RGS9: variants seen among roughly 807,000 people sequenced by gnomAD.
RGS9 encodes the protein regulator of G-protein signalling 9.
A neutral mutation model predicts 102.0 loss-of-function variants in RGS9; 78 were observed. That is an observed-to-expected ratio of 0.76 (90% CI 0.64 to 0.92). The LOEUF is 0.92. Ranked by LOEUF, RGS9 falls within the 40% of genes least tolerant of loss-of-function variation. The pLI, the probability that RGS9 is intolerant of heterozygous loss-of-function variation, is 0.00. For synonymous variants in RGS9, 353 were observed against 318.6 expected, an observed-to-expected ratio of 1.11 and a Z score of -1.15; for missense variants, 833 against 866.1, an observed-to-expected ratio of 0.96 and a Z score of 0.48.
intron 14 of RGS9, 143 bp from the exon 15 acceptor site, chr17:65,204,020 T>C: frequency 1.2e-6 from 1 of 848,930 alleles, no homozygotes; most frequent in Admixed American, 2.2e-5. Flanking sequence ...CAAAAGTTCA[T>C]GCTCTTTAGT....
chr17:65,139,036 T>TCC (rs1910033057), intron 1 of RGS9, among the ~76,000 whole-genome samples: 7 of 5,420 alleles, frequency 1.3e-3, no homozygotes, highest in South Asian at 0.015. Flanking sequence ...TCCTCCACCT[T>TCC]AGTCTCCCTT....
intron 11 of RGS9, among the ~76,000 whole-genome samples, chr17:65,193,124 AGCCTG>A (rs1912441029): frequency 6.8e-6 from 1 of 148,036 alleles, no homozygotes; most frequent in Non-Finnish European, 1.5e-5. Context: ...AAAAAAAATT[AGCCTG>A]GCCTGGTGGT....
At chr17:65,158,426 TG>T in intron 3 of RGS9, 81 bp downstream of exon 3, 1 of 1,294,898 alleles carries the variant, frequency 7.7e-7, no homozygotes, top group Non-Finnish European at 1.1e-6. Context: ...AGACTTAGCC[TG>T]TGTTTCTGAG....
intron 1 of RGS9, among the ~76,000 whole-genome samples, chr17:65,143,086 A>G (rs1234951798): frequency 6.6e-6 from 1 of 151,986 alleles, no homozygotes. Context: ...AAAGTTTTCC[A>G]GGTGGTTTGA....
chr17:65,210,436 T>G, intron 16 of RGS9, 52 bp from the exon 17 acceptor site: 1 of 1,596,928 alleles, frequency 6.3e-7, no homozygotes, highest in Admixed American at 1.7e-5. Context: ...AGGGTCAGTG[T>G]TGGGCAAGCT....
intron 1 of RGS9, among the ~76,000 whole-genome samples, chr17:65,145,884 A>AT (rs34468610): frequency 0.17 from 21,786 of 130,532 alleles, 1,875 homozygotes; most frequent in Middle Eastern, 0.32. Context: ...AGGAAAAAGG[A>AT]TCGGATCCCA....
intron 1 of RGS9, among the ~76,000 whole-genome samples, chr17:65,139,321 TTTTC>T (rs1395619310): frequency 2.0e-5 from 3 of 150,984 alleles, no homozygotes; most frequent in Non-Finnish European, 4.4e-5. Context: ...CACACTGTTT[TTTTC>T]CCCCAAATCA....
chr17:65,201,568 G>A (rs550737918), intron 13 of RGS9, among the ~76,000 whole-genome samples: 47 of 152,340 alleles, frequency 3.1e-4, no homozygotes, highest in African/African-American at 1.1e-3. Context: ...CTATTCATGT[G>A]CGAGCTCGTT....
intron 15 of RGS9, among the ~76,000 whole-genome samples, chr17:65,205,830 T>C (rs952362365): frequency 1.3e-5 from 2 of 151,976 alleles, no homozygotes; most frequent in African/African-American, 2.4e-5. Flanking sequence ...TTATATGATA[T>C]AGGTTATGTG....
intron 6 of RGS9, among the ~76,000 whole-genome samples, chr17:65,161,542 G>A (rs529656163): frequency 2.6e-5 from 4 of 150,992 alleles, no homozygotes; most frequent in African/African-American, 4.9e-5. Flanking sequence ...GTGAGCCATC[G>A]TGCCTGGCCC....
chr17:65,166,952 G>A (rs1321422905), intron 7 of RGS9, among the ~76,000 whole-genome samples: 1 of 152,210 alleles, frequency 6.6e-6, no homozygotes, highest in Non-Finnish European at 1.5e-5. Context: ...TTCACAGTAC[G>A]TTAACGGGGA....
chr17:65,164,468 C>T (rs574995104), intron 7 of RGS9, among the ~76,000 whole-genome samples: 66 of 152,268 alleles, frequency 4.3e-4, no homozygotes, highest in African/African-American at 1.5e-3. Flanking sequence ...TTACCAAAAC[C>T]GATGATCCCC....
At chr17:65,165,864 A>G (rs1911160082) in intron 7 of RGS9, among the ~76,000 whole-genome samples, 1 of 152,208 alleles carries the variant, frequency 6.6e-6, no homozygotes, top group Non-Finnish European at 1.5e-5. Context: ...AGATCATCCT[A>G]AATTTAGTGG....
intron 1 of RGS9, among the ~76,000 whole-genome samples, chr17:65,139,322 T>G (rs1166135433): frequency 6.6e-6 from 1 of 150,982 alleles, no homozygotes; most frequent in Non-Finnish European, 1.5e-5. Context: ...ACACTGTTTT[T>G]TTCCCCCAAA....
At chr17:65,218,703 A>G (rs543776402) in intron 17 of RGS9, among the ~76,000 whole-genome samples, 1 of 151,428 alleles carries the variant, frequency 6.6e-6, no homozygotes, top group Admixed American at 6.6e-5. Context: ...TTTCTTGCTC[A>G]CTCTCTTGCT....
At chr17:65,159,183 C>G (rs146459257) in intron 3 of RGS9, among the ~76,000 whole-genome samples, 1 of 148,746 alleles carries the variant, frequency 6.7e-6, no homozygotes. Flanking sequence ...AGAGAACAAC[C>G]CCCCCTTTTT....
intron 8 of RGS9, among the ~76,000 whole-genome samples, chr17:65,171,801 C>A (rs144250505): frequency 2.3e-4 from 35 of 152,308 alleles, no homozygotes; most frequent in African/African-American, 7.9e-4. Context: ...CAAATGGAAC[C>A]AAGTACAGAT....
At chr17:65,158,265 C>G (rs201723689) in intron 2 of RGS9, 30 bp from the exon 3 acceptor site, 21 of 1,611,712 alleles carry the variant, frequency 1.3e-5, no homozygotes, top group Non-Finnish European at 1.8e-5. Context: ...GAGGCTATGA[C>G]AATAACCGCA....
chr17:65,190,638 G>T (rs1468022984), intron 11 of RGS9, among the ~76,000 whole-genome samples: 1 of 152,138 alleles, frequency 6.6e-6, no homozygotes, highest in Non-Finnish European at 1.5e-5. Flanking sequence ...GCTACTAAAT[G>T]TCCATTGTTC....
Sources: gnomAD v4.1 joint callset for allele counts (sites outside exome capture counted in the v4.1 genomes callset) on GRCh38, gnomAD v4.1.1 for gene constraint, MANE v1.5 for transcripts, NCBI Gene and HGNC (gene_info 2026-07-23, HGNC 2026-07-21) for gene names.